The following TJP2 variants were observed in gnomAD, a reference collection of about 807,000 sequenced individuals.
The protein encoded by TJP2 is tight junction protein 2.
Under a neutral mutation model 133.1 loss-of-function variants are expected in TJP2, and 91 were observed. That is an observed-to-expected ratio of 0.68 (90% CI 0.58 to 0.81). The LOEUF (loss-of-function observed/expected upper bound fraction) is 0.81. Ranked by LOEUF, TJP2 falls within the 40% of genes least tolerant of loss-of-function variation. The probability of loss-of-function intolerance (pLI) is 0.00; values close to 1 mark genes in which losing one functional copy is unlikely to be tolerated. For missense variants in TJP2, 1,541 were observed against 1,565.6 expected (o/e 0.98, Z 0.26); for synonymous variants, 592 against 583.4 (o/e 1.01, Z -0.21).
At position 69,247,997 on chromosome 9, in the gene TJP2, C is replaced by G; in HGVS notation, c.2668-15C>G. On this transcript the variant is annotated splice_polypyrimidine_tract_variant and intron_variant, in intron 18 of 22. Coordinates refer to ENST00000377245, the MANE Select transcript of TJP2 (RefSeq NM_004817.4). ...ACATCAGACCCCACTGACCGTCCAA[C>G]ACAAATTCCTCTAGATGGAAGGGAT... 3.8e-6 allele frequency: 6 copies of G among 1,582,278 alleles called. No individual in the cohort carries two copies. Among genetic ancestry groups the G allele is most frequent in the Non-Finnish European group, 5.2e-6 (6 of 1,161,366 alleles).
At position 69,158,025 on chromosome 9, in the gene TJP2, C is replaced by A. The variant is rs1823861958; in HGVS notation, c.-10+6254C>A. Among the ~76,000 whole-genome samples the A allele has an allele frequency of 2.6e-5, 4 of 150,960 alleles. No individual in the cohort carries two copies. The South Asian group carries it at 8.4e-4, about 32-fold the overall frequency. ...TTAAAAGCTGACCCAGAGGCAGGCA[C>A]AGTGGCTGGCCGGGTGCGGTGATTC... is the stretch of plus-strand genomic sequence containing the variant. On this transcript the variant is annotated intron_variant, in intron 2 of 5. Coordinates refer to the TJP2 transcript ENST00000423935.
chr9:69,225,625 T>C (rs1456886729), intron 6 of TJP2, among the ~76,000 whole-genome samples: 1 of 152,178 alleles, frequency 6.6e-6, no homozygotes, highest in African/African-American at 2.4e-5. Flanking sequence ...ACAAAAAAAC[T>C]CCATGAATAT....
At chr9:69,203,451 G>A (rs1030943454) in intron 1 of TJP2, among the ~76,000 whole-genome samples, 2 of 151,630 alleles carry the variant, frequency 1.3e-5, no homozygotes, top group Admixed American at 6.6e-5. Flanking sequence ...ACAGGCACCC[G>A]CCAACATGCC....
At chr9:69,223,069 G>GAAAAAAAAAAA (rs57114714) in intron 5 of TJP2, among the ~76,000 whole-genome samples, 13 of 114,112 alleles carry the variant, frequency 1.1e-4, no homozygotes, top group African/African-American at 4.0e-4. Context: ...ACTCTGTCTT[G>GAAAAAAAAAAA]AAAAAAAAAA....
intron 11 of TJP2, 39 bp from the exon 12 acceptor site, chr9:69,234,398 CTT>C (rs202100183): frequency 0.014 from 13,852 of 967,378 alleles, 1 homozygote; most frequent in South Asian, 0.016. Context: ...TTCTTTCTTT[CTT>C]TTTTTTTTTT....
chr9:69,191,562 G>A (rs1299479186), intron 1 of TJP2, among the ~76,000 whole-genome samples: 1 of 152,136 alleles, frequency 6.6e-6, no homozygotes, highest in Non-Finnish European at 1.5e-5. Context: ...GCGAATGAAT[G>A]TATGTATCAG....
At chr9:69,163,033 T>TA (rs1372632988) in intron 2 of TJP2, among the ~76,000 whole-genome samples, 13,445 of 96,414 alleles carry the variant, frequency 0.14, 4,587 homozygotes, top group East Asian at 0.63. Flanking sequence ...TTATTTTATT[T>TA]TTTTTTTTTT....
chr9:69,205,359 C>G, intron 1 of TJP2: 1 of 1,492,876 alleles, frequency 6.7e-7, no homozygotes, highest in Non-Finnish European at 8.9e-7. Flanking sequence ...TGGCATCTTT[C>G]AGCAACAAAT....
In TJP2 at chr9:69,254,229, A is replaced by C; in HGVS notation, c.3428A>C (p.Gln1143Pro). The C allele has an allele frequency of 6.2e-7, 1 of 1,614,244 alleles. No homozygotes were observed. Reference sequence around the variant, plus strand: ...GTTAGTTCCAGACCCCCTGAGCCACAGAAAGCTCCTTCCAGACCTTATCAG... The same window carrying C: ...GTTAGTTCCAGACCCCCTGAGCCACCGAAAGCTCCTTCCAGACCTTATCAG... ...QHTSSRPPEP[Q>P]KAPSRPYQDT... The change falls in exon 23 of 23, where the codon CAG (glutamine) becomes CCG (proline). Residue 1143 changes from glutamine to proline, a missense_variant. Coordinates refer to ENST00000377245, the MANE Select transcript of TJP2 (RefSeq NM_004817.4).
intron 1 of TJP2, among the ~76,000 whole-genome samples, chr9:69,132,754 AG>A (rs1026027693): frequency 7.2e-5 from 11 of 152,202 alleles, no homozygotes; most frequent in African/African-American, 2.4e-4. Flanking sequence ...GGAAAGGGGC[AG>A]TTAAATTCAT....
At chr9:69,214,845 C>T (rs1588076544) in intron 2 of TJP2, among the ~76,000 whole-genome samples, 1 of 122,458 alleles carries the variant, frequency 8.2e-6, no homozygotes, top group East Asian at 2.4e-4. Context: ...TCCAGCCTGG[C>T]AACAGAGCAA....
Position 69,248,175 on chromosome 9 carries a change from C to T in TJP2, c.2831C>T (p.Pro944Leu), listed in dbSNP as rs1037323950. ...DNELDEPAEE[P>L]LVSSITRSSE... Reference sequence around the variant, plus strand: ...GAGCTGGATGAGCCAGCCGAGGAGCCGCTGGTGTCGTCCATCACCCGCTCC... The same window carrying T: ...GAGCTGGATGAGCCAGCCGAGGAGCTGCTGGTGTCGTCCATCACCCGCTCC... Residue 944 changes from proline (P) to leucine (L), a missense_variant, in exon 19 of 23, where the codon CCG (proline) becomes CTG (leucine). Physicochemically the swap from Pro to Leu is moderately conservative, Grantham distance 98. Coordinates refer to ENST00000377245, the MANE Select transcript of TJP2 (RefSeq NM_004817.4). The T allele has an allele frequency of 1.1e-5, 18 of 1,612,996 alleles. No individual in the cohort carries two copies. The African/African-American group carries it at 1.3e-4, about 12-fold the overall frequency.
chr9:69,236,217 G>T lies in TJP2; in HGVS notation c.1970G>T (p.Gly657Val). 6.2e-7 allele frequency: 1 copy of T among 1,614,044 alleles called. No individual in the cohort carries two copies. Among genetic ancestry groups the T allele is most frequent in the Admixed American group, 1.7e-5 (1 of 60,004 alleles). The change falls in exon 13 of 23, where the codon GGC becomes GTC. Residue 657 changes from glycine to valine, a missense_variant. By Grantham distance (109) the Gly-to-Val change is moderately radical. Coordinates refer to ENST00000377245, the MANE Select transcript of TJP2 (RefSeq NM_004817.4). Reference sequence around the variant, plus strand: ...AGGATTGGGAACGAGTTGGAGAAAGGCTTAATCCCCAACAAGAGCAGGTAA... The same window carrying T: ...AGGATTGGGAACGAGTTGGAGAAAGTCTTAATCCCCAACAAGAGCAGGTAA... Reference protein sequence around the residue: ...AVRIGNELEKGLIPNKSRAEQ... With the variant: ...AVRIGNELEKVLIPNKSRAEQ...
rs115504754 is a variant in TJP2 at position 69,139,395 on chromosome 9, G to A, written c.-130-12256G>A. ...CAAGCTAAAATGAGATCATTAAGGTGGCCCCTAATCCAATCTGTTCTTATA... is the reference window on the plus strand; with the variant it reads ...CAAGCTAAAATGAGATCATTAAGGTAGCCCCTAATCCAATCTGTTCTTATA... On this transcript the variant is annotated intron_variant, in intron 1 of 5. Transcript: ENST00000423935. 9.6e-3 allele frequency among the ~76,000 whole-genome samples: 1,457 copies of A among 152,264 alleles called. 31 individuals carry two copies. Among genetic ancestry groups the A allele is most frequent in the African/African-American group, 0.032 (1,336 of 41,546 alleles).
In TJP2 at chr9:69,254,685, T is replaced by C. The variant is rs938851869; in HGVS notation, c.*311T>C. 3.5e-6 allele frequency: 2 copies of C among 578,924 alleles called. No individual in the cohort carries two copies. The highest frequency in any genetic ancestry group is 6.1e-6 in the Non-Finnish European group (2 of 325,714). 35.9% of individuals were successfully genotyped at this position (578,924 alleles called of 1,614,324 possible). On this transcript the variant is annotated 3_prime_UTR_variant, in exon 23 of 23. Transcript: ENST00000377245. ...TCTGTTTGCGTACTTGTAATATGTA[T>C]ATTAAGAAGCAATAACTATTTTTCC...
At chr9:69,249,571 A>G (rs1426275774) in intron 20 of TJP2, 86 bp downstream of exon 20, 2 of 1,548,540 alleles carry the variant, frequency 1.3e-6, no homozygotes, top group Non-Finnish European at 1.7e-6. Context: ...GAGCATGCAC[A>G]CTGAGATGGT....
chr9:69,246,398 C>A (rs961469950), intron 17 of TJP2: 12 of 392,398 alleles, frequency 3.1e-5, no homozygotes, highest in South Asian at 2.5e-4. Context: ...TGGCCGAAAA[C>A]ACATGTTCTT....
intron 1 of TJP2, chr9:69,145,913 T>C: frequency 1.5e-6 from 1 of 657,560 alleles, no homozygotes; most frequent in Non-Finnish European, 2.2e-6. Context: ...CTCTGTCTTG[T>C]GGGGATAATA....
intron 1 of TJP2, chr9:69,145,878 G>T: frequency 2.7e-6 from 3 of 1,110,114 alleles, no homozygotes; most frequent in Non-Finnish European, 3.4e-6. Flanking sequence ...TGTCTGTTTT[G>T]GGGACCCATA....
Sources: gnomAD v4.1 joint callset for allele counts (sites outside exome capture counted in the v4.1 genomes callset) on GRCh38, gnomAD v4.1.1 for gene constraint, MANE v1.5 for transcripts, NCBI Gene and HGNC (gene_info 2026-07-23, HGNC 2026-07-21) for gene names.